The following TRPC4AP variants were observed in gnomAD, a reference collection of about 807,000 sequenced individuals.
TRPC4AP encodes short transient receptor potential channel 4-associated protein.
In TRPC4AP, 45 loss-of-function variants were observed where a neutral mutation model predicts 99.0. The ratio of observed to expected loss-of-function variants is 0.45; its 90% confidence interval spans 0.36 to 0.58. The LOEUF (loss-of-function observed/expected upper bound fraction) is 0.58. Among genes scored for constraint, TRPC4AP ranks in the 20% least tolerant of loss-of-function variants. The pLI, the probability that TRPC4AP is intolerant of heterozygous loss-of-function variation, is 0.00. For synonymous variants in TRPC4AP, 408 were observed against 385.8 expected, an observed-to-expected ratio of 1.06 and a Z score of -0.67; for missense variants, 879 against 985.3, an observed-to-expected ratio of 0.89 and a Z score of 1.44.
intron 3 of TRPC4AP, among the ~76,000 whole-genome samples, chr20:35,064,843 T>C (rs1419082942): frequency 1.3e-5 from 2 of 152,230 alleles, no homozygotes; most frequent in Admixed American, 1.3e-4. Flanking sequence ...AACAACTTCA[T>C]AAAATTCAAC....
intron 3 of TRPC4AP, among the ~76,000 whole-genome samples, chr20:35,066,163 G>A (rs2084139994): frequency 6.6e-6 from 1 of 152,064 alleles, no homozygotes; most frequent in Non-Finnish European, 1.5e-5. Flanking sequence ...GCAGTTCATG[G>A]TGCGATCTCG....
chr20:35,042,211 A>C (rs1306532224), intron 7 of TRPC4AP, among the ~76,000 whole-genome samples: 1 of 152,266 alleles, frequency 6.6e-6, no homozygotes, highest in African/African-American at 2.4e-5. Context: ...GTATCTAGTG[A>C]CACAGGAGGA....
At chr20:35,062,478 A>G (rs1029293775) in intron 3 of TRPC4AP, among the ~76,000 whole-genome samples, 4 of 152,254 alleles carry the variant, frequency 2.6e-5, no homozygotes, top group African/African-American at 9.6e-5. Context: ...CTATCCATAC[A>G]GTGGAATATT....
intron 7 of TRPC4AP, among the ~76,000 whole-genome samples, chr20:35,036,714 AG>A (rs1010728047): frequency 6.6e-5 from 10 of 151,864 alleles, no homozygotes; most frequent in African/African-American, 2.4e-4. Context: ...TGGGAGGCCA[AG>A]GTGGGTGGAT....
intron 3 of TRPC4AP, among the ~76,000 whole-genome samples, chr20:35,067,527 C>T (rs6088697): frequency 6.6e-6 from 1 of 152,098 alleles, no homozygotes. Flanking sequence ...ATGTATATGC[C>T]TGAGAGAAAT....
chr20:35,044,748 A>C, intron 6 of TRPC4AP, 36 bp from the exon 7 acceptor site: 1 of 1,602,310 alleles, frequency 6.2e-7, no homozygotes, highest in South Asian at 1.1e-5. Context: ...CCCCATGCTC[A>C]ATTCACTCAA....
chr20:35,022,647 G>C (rs6060157), intron 8 of TRPC4AP, among the ~76,000 whole-genome samples: 1 of 152,066 alleles, frequency 6.6e-6, no homozygotes, highest in East Asian at 1.9e-4. Context: ...GTGTTATAGA[G>C]GAGTGGTTAT....
intron 8 of TRPC4AP, among the ~76,000 whole-genome samples, chr20:35,027,308 T>C (rs751445133): frequency 2.6e-5 from 4 of 152,234 alleles, no homozygotes; most frequent in Non-Finnish European, 4.4e-5. Context: ...GAAACGATCA[T>C]GTGGTTTTTG....
intron 16 of TRPC4AP, 73 bp from the exon 17 acceptor site, chr20:35,004,643 G>A: frequency 7.7e-7 from 1 of 1,293,322 alleles, no homozygotes; most frequent in Non-Finnish European, 1.1e-6. Context: ...CTTTCGTGGA[G>A]CCCCGCTTGG....
intron 9 of TRPC4AP, among the ~76,000 whole-genome samples, chr20:35,018,604 GAAAAAAAAAA>G (rs11479211): frequency 1.1e-5 from 1 of 88,950 alleles, no homozygotes; most frequent in Non-Finnish European, 2.1e-5. Flanking sequence ...CTCAAAAAAA[GAAAAAAAAAA>G]AAAAAAAAAA....
At chr20:35,047,864 A>G (rs140929858) in intron 6 of TRPC4AP, among the ~76,000 whole-genome samples, 65 of 152,276 alleles carry the variant, frequency 4.3e-4, no homozygotes, top group African/African-American at 1.5e-3. Context: ...TAGGTAACCC[A>G]TGGCAAAATA....
intron 6 of TRPC4AP, among the ~76,000 whole-genome samples, chr20:35,045,349 C>T (rs529506242): frequency 3.9e-5 from 6 of 152,124 alleles, no homozygotes; most frequent in Non-Finnish European, 7.4e-5. Context: ...AATCACTTCC[C>T]GCCGTTTTAC....
intron 12 of TRPC4AP, among the ~76,000 whole-genome samples, chr20:35,009,247 C>T (rs769000258): frequency 1.3e-5 from 2 of 152,194 alleles, no homozygotes; most frequent in Admixed American, 1.3e-4. Flanking sequence ...GACGGCCAGG[C>T]ACGCAGGGGT....
intron 7 of TRPC4AP, among the ~76,000 whole-genome samples, chr20:35,041,320 T>C (rs2083442418): frequency 6.6e-6 from 1 of 152,176 alleles, no homozygotes; most frequent in African/African-American, 2.4e-5. Context: ...CAGCTTGGCC[T>C]TCCCAGGGCA....
intron 2 of TRPC4AP, among the ~76,000 whole-genome samples, chr20:35,075,222 G>C (rs1323906480): frequency 6.6e-6 from 1 of 152,130 alleles, no homozygotes; most frequent in African/African-American, 2.4e-5. Context: ...CAATTTGCCA[G>C]TCTGTCTTTT....
At chr20:35,014,929 T>A (rs1195304608) in intron 10 of TRPC4AP, among the ~76,000 whole-genome samples, 1 of 152,204 alleles carries the variant, frequency 6.6e-6, no homozygotes, top group African/African-American at 2.4e-5. Flanking sequence ...CAATGTCCTG[T>A]TCAGAGCTCT....
chr20:35,088,449 A>G (rs2084947481), intron 1 of TRPC4AP, among the ~76,000 whole-genome samples: 1 of 152,224 alleles, frequency 6.6e-6, no homozygotes. Flanking sequence ...CTGAATATCA[A>G]ATGGCTGGCA....
rs192383127 is a variant in TRPC4AP, at chr20:35,068,785, G to A, written c.414+511C>T. Among the ~76,000 whole-genome samples, 569 of 151,866 alleles carry A rather than the reference G, an allele frequency of 3.7e-3. 11 individuals are homozygous for A. The highest frequency in any genetic ancestry group is 0.013 in the African/African-American group (535 of 41,358). ...TCCACCTGCCTTGGCCTCCCAAAGT[G>A]CTGGGATTACAGGCGTGAGCCACTG... On this transcript the variant is annotated intron_variant, in intron 3 of 18. Transcript: ENST00000252015.
intron 11 of TRPC4AP, 54 bp from the exon 12 acceptor site, chr20:35,010,342 C>T (rs1266785832): frequency 6.8e-7 from 1 of 1,470,314 alleles, no homozygotes; most frequent in East Asian, 2.3e-5. Context: ...GCTGCTGGGT[C>T]AGCACCAGGC....
Sources: allele counts gnomAD v4.1 joint callset (sites outside exome capture counted in the v4.1 genomes callset), GRCh38; gene constraint gnomAD v4.1.1; transcripts MANE v1.5; gene names NCBI Gene and HGNC (gene_info 2026-07-23, HGNC 2026-07-21).